The following BCAS3 variants were observed in gnomAD, a reference collection of about 807,000 sequenced individuals.
BCAS3 encodes BCAS4/BCAS3 fusion.
A neutral mutation model predicts 116.1 loss-of-function variants in BCAS3; 53 were observed. That is an observed-to-expected ratio of 0.46 (90% CI 0.37 to 0.57). The LOEUF (loss-of-function observed/expected upper bound fraction) is 0.57, where lower values mean the gene tolerates loss of function less well. Among genes scored for constraint, BCAS3 ranks in the 20% least tolerant of loss-of-function variants. BCAS3 has a pLI of 0.00. For missense variants in BCAS3, 917 were observed against 1,165.4 expected, an observed-to-expected ratio of 0.79 and a Z score of 3.10; for synonymous variants, 391 against 408.2, an observed-to-expected ratio of 0.96 and a Z score of 0.51.
intron 22 of BCAS3, among the ~76,000 whole-genome samples, chr17:61,150,543 C>G (rs757694826): frequency 2.6e-4 from 39 of 152,330 alleles, no homozygotes; most frequent in Non-Finnish European, 4.4e-4. Context: ...AATAGAGATT[C>G]TGCTACCAGT....
rs5821300 is a variant in BCAS3 at position 61,105,777 on chromosome 17, G to GA, written c.2425+21223dup. ...TTGCTTTAAGTGTTGGGAGAAAATG[G>GA]AAAAAAAAAAGTTAGAGCTTTAGTA... is the stretch of plus-strand genomic sequence containing the variant. On this transcript the variant is annotated intron_variant, in intron 22 of 23. Transcript: ENST00000407086. The surrounding 1 kb of genome is among the most constrained non-coding windows in gnomAD (Gnocchi z 4.3). Among the ~76,000 whole-genome samples the GA allele has an allele frequency of 0.86, 128,627 of 150,364 alleles. 58,194 individuals are homozygous for GA. The highest frequency in any genetic ancestry group is 1 in the Non-Finnish European group (67,231 of 67,566).
intron 22 of BCAS3, among the ~76,000 whole-genome samples, chr17:61,311,693 G>A (rs944663626): frequency 6.6e-6 from 1 of 152,114 alleles, no homozygotes; most frequent in Non-Finnish European, 1.5e-5. Flanking sequence ...AGGAGATCGA[G>A]ACCATCCTGG....
At position 61,333,547 on chromosome 17, in the gene BCAS3, C is replaced by G. The variant is rs79343843; in HGVS notation, c.2426-34780C>G. On this transcript the variant is annotated intron_variant, in intron 22 of 23. Transcript: ENST00000407086. This position sits in a 1 kb window ranked among gnomAD's most constrained non-coding sequence, Gnocchi z 4.8. Reference sequence around the variant, plus strand: ...ATGTCTGCCAGCGCTCACTGCCTTCCTGAGCCCAACAGCCCCTTTCTTGCC... The same window carrying G: ...ATGTCTGCCAGCGCTCACTGCCTTCGTGAGCCCAACAGCCCCTTTCTTGCC... Among the ~76,000 whole-genome samples the G allele has an allele frequency of 2.1e-3, 314 of 152,308 alleles. 10 individuals carry two copies. The East Asian group carries it at 0.054, about 26-fold the overall frequency.
intron 19 of BCAS3, among the ~76,000 whole-genome samples, chr17:61,052,979 A>G (rs2069020890): frequency 6.6e-6 from 1 of 151,958 alleles, no homozygotes; most frequent in African/African-American, 2.4e-5. Context: ...GGCCTCCCAA[A>G]GTGCTGGGAT....
intron 22 of BCAS3, among the ~76,000 whole-genome samples, chr17:61,252,256 C>T (rs186667981): frequency 4.6e-5 from 7 of 152,206 alleles, no homozygotes; most frequent in South Asian, 4.1e-4. Context: ...TTTTTAAGAG[C>T]GCTTGTAAAG....
intron 22 of BCAS3, among the ~76,000 whole-genome samples, chr17:61,116,582 T>G (rs1489208928): frequency 6.6e-6 from 1 of 152,240 alleles, no homozygotes; most frequent in African/African-American, 2.4e-5. Context: ...GCTTACTATG[T>G]TTTTTCTTCC....
At chr17:61,078,636 G>A (rs2072252144) in intron 21 of BCAS3, 107 bp downstream of exon 21, 1 of 916,784 alleles carries the variant, frequency 1.1e-6, no homozygotes, top group Admixed American at 2.5e-5. Flanking sequence ...ACAGTATCAT[G>A]TTGCAGACTA....
At chr17:61,255,643 G>T (rs1419323171) in intron 22 of BCAS3, among the ~76,000 whole-genome samples, 3 of 152,186 alleles carry the variant, frequency 2.0e-5, no homozygotes, top group African/African-American at 4.8e-5. Flanking sequence ...CTTAAGTGCC[G>T]TGTCTGTATT....
chr17:61,128,258 T>TGTTA lies in BCAS3; in HGVS notation c.2425+43696_2425+43699dup. On this transcript the variant is annotated intron_variant, in intron 22 of 23. Coordinates refer to ENST00000407086, the MANE Select transcript of BCAS3 (RefSeq NM_017679.5). The surrounding 1 kb of genome is among the most constrained non-coding windows in gnomAD (Gnocchi z 4.1). ...CATGCAATGAGGACAGCCTAGGCCG[T>TGTTA]GTTAGGCTTTGACTTAAATCAGATT... The TGTTA allele has an allele frequency of 2.0e-6, 2 of 985,334 alleles. No individual in the cohort carries two copies. Among genetic ancestry groups the TGTTA allele is most frequent in the South Asian group, 9.4e-5 (2 of 21,278 alleles). The allele number at this position is 985,334 out of a possible 1,614,324, so 61.0% of individuals were successfully genotyped here. A position where few individuals can be genotyped will look rare whatever the true frequency, so the allele number is the denominator to read the frequency against.
intron 22 of BCAS3, among the ~76,000 whole-genome samples, chr17:61,303,263 A>T (rs2053588735): frequency 6.6e-6 from 1 of 152,196 alleles, no homozygotes; most frequent in Non-Finnish European, 1.5e-5. Flanking sequence ...GCATCTTCTG[A>T]GCTGCCTAAA....
At chr17:60,713,851 T>G (rs1276134286) in intron 5 of BCAS3, among the ~76,000 whole-genome samples, 1 of 152,204 alleles carries the variant, frequency 6.6e-6, no homozygotes, top group Non-Finnish European at 1.5e-5. Flanking sequence ...TGTTTGTTTT[T>G]GAGACTGAGT....
Position 61,186,401 on chromosome 17 carries a change from T to G in BCAS3, c.2425+101837T>G, listed in dbSNP as rs376082159. On this transcript the variant is annotated intron_variant, in intron 22 of 23. Coordinates refer to ENST00000407086, the MANE Select transcript of BCAS3 (RefSeq NM_017679.5). This position sits in a 1 kb window ranked among gnomAD's most constrained non-coding sequence, Gnocchi z 4.9. ...AACATTTTTAACCTGTGTGTTGATT[T>G]TATTACAATTATCTATCCTTTTATC... Among the ~76,000 whole-genome samples, 2 of 152,340 alleles carry G rather than the reference T, an allele frequency of 1.3e-5. No individual in the cohort carries two copies. Among genetic ancestry groups the G allele is most frequent in the East Asian group, 3.9e-4 (2 of 5,188 alleles).
rs565142152 is a variant in BCAS3, at chr17:61,229,241, T to C, written c.2426-139086T>C. Among the ~76,000 whole-genome samples the C allele has an allele frequency of 6.6e-6, 1 of 152,316 alleles. No homozygotes were observed. The highest frequency in any genetic ancestry group is 2.4e-5 in the African/African-American group (1 of 41,570). ...CAAGGCCCTACCTCTTTCAATTCTATGAAGCTGAGAGAGGTGAGGAAGCTA... is the reference window on the plus strand; with the variant it reads ...CAAGGCCCTACCTCTTTCAATTCTACGAAGCTGAGAGAGGTGAGGAAGCTA... On this transcript the variant is annotated intron_variant, in intron 22 of 23. Coordinates refer to ENST00000407086, the MANE Select transcript of BCAS3 (RefSeq NM_017679.5). The surrounding 1 kb of genome is among the most constrained non-coding windows in gnomAD (Gnocchi z 4.4).
At position 61,381,342 on chromosome 17, in the gene BCAS3, G is replaced by A. The variant is rs910054617; in HGVS notation, c.2594-10635G>A. Among the ~76,000 whole-genome samples, 4 of 152,172 alleles carry A rather than the reference G, an allele frequency of 2.6e-5. No individual in the cohort carries two copies. Among genetic ancestry groups the A allele is most frequent in the Non-Finnish European group, 4.4e-5 (3 of 68,036 alleles). On this transcript the variant is annotated intron_variant, in intron 23 of 23. Transcript: ENST00000407086. This position sits in a 1 kb window ranked among gnomAD's most constrained non-coding sequence, Gnocchi z 6.0. ...CACCAGCAGCCAGTCTGTGAGCACC[G>A]CACAAAGGCAGACCGGCATCAGCCA... is the stretch of plus-strand genomic sequence containing the variant.
chr17:61,119,820 A>G (rs1349822498), intron 22 of BCAS3, among the ~76,000 whole-genome samples: 2 of 152,090 alleles, frequency 1.3e-5, no homozygotes, highest in African/African-American at 2.4e-5. Context: ...TATGTAAAAC[A>G]TTCATACTAT....
intron 6 of BCAS3, among the ~76,000 whole-genome samples, chr17:60,799,016 T>A (rs1329891380): frequency 6.6e-6 from 1 of 152,230 alleles, no homozygotes; most frequent in Non-Finnish European, 1.5e-5. Flanking sequence ...TAGTGTTTTC[T>A]TATTGTTGAA....
At chr17:60,783,684 C>T (rs1341054940) in intron 6 of BCAS3, among the ~76,000 whole-genome samples, 1 of 152,168 alleles carries the variant, frequency 6.6e-6, no homozygotes, top group Non-Finnish European at 1.5e-5. Flanking sequence ...TTTCATAATA[C>T]AGTATTCCTC....
rs1465113261 is a variant in BCAS3, at chr17:61,020,844, G to A, written c.1637+4943G>A. Among the ~76,000 whole-genome samples the A allele has an allele frequency of 1.3e-5, 2 of 152,086 alleles. No individual in the cohort carries two copies. Among genetic ancestry groups the A allele is most frequent in the Non-Finnish European group, 2.9e-5 (2 of 68,004 alleles). On this transcript the variant is annotated intron_variant, in intron 16 of 23. Transcript: ENST00000407086. This position sits in a 1 kb window ranked among gnomAD's most constrained non-coding sequence, Gnocchi z 4.5. ...ATTTTATGGACACAAGCAGAGAACAGTAAATTTCAAAAAGAAGTCATGGTA... is the reference window on the plus strand; with the variant it reads ...ATTTTATGGACACAAGCAGAGAACAATAAATTTCAAAAAGAAGTCATGGTA...
intron 13 of BCAS3, among the ~76,000 whole-genome samples, chr17:60,927,710 GGA>G (rs1452846217): frequency 1.3e-5 from 2 of 152,022 alleles, no homozygotes; most frequent in African/African-American, 2.4e-5. Context: ...TAATATCATT[GGA>G]AATAATCCTA....
Sources: allele counts gnomAD v4.1 joint callset (sites outside exome capture counted in the v4.1 genomes callset), GRCh38; gene constraint gnomAD v4.1.1; non-coding constraint Gnocchi (gnomAD v3.1); transcripts MANE v1.5; gene names NCBI Gene and HGNC (gene_info 2026-07-23, HGNC 2026-07-21).